MPRIP: variants seen among roughly 807,000 people sequenced by gnomAD.
MPRIP encodes myosin phosphatase Rho interacting protein.
A neutral mutation model predicts 234.9 loss-of-function variants in MPRIP; 59 were observed. That is an observed-to-expected ratio of 0.25 (90% confidence interval 0.20 to 0.31). The LOEUF is 0.31. Ranked by LOEUF, MPRIP falls within the 10% of genes least tolerant of loss-of-function variation. The pLI is 1.00. For synonymous variants in MPRIP, 1,144 were observed against 1,263.9 expected, an observed-to-expected ratio of 0.91 and a Z score of 2.01; for missense variants, 2,436 against 3,071.0, an observed-to-expected ratio of 0.79 and a Z score of 4.89.
At chr17:17,105,481 C>A (rs912874172) in intron 3 of MPRIP, among the ~76,000 whole-genome samples, 5 of 152,158 alleles carry the variant, frequency 3.3e-5, no homozygotes, top group Admixed American at 3.3e-4. Context: ...CTGTTCTCGC[C>A]CCCTAAGAAG....
chr17:17,114,841 G>A (rs1023478249), intron 3 of MPRIP, among the ~76,000 whole-genome samples: 9 of 152,088 alleles, frequency 5.9e-5, no homozygotes, highest in African/African-American at 9.7e-5. Flanking sequence ...GGCAGCGGCC[G>A]AAGCCAGCAG....
chr17:17,102,625 C>G (rs989693092), intron 3 of MPRIP, among the ~76,000 whole-genome samples: 7 of 152,172 alleles, frequency 4.6e-5, no homozygotes, highest in Non-Finnish European at 5.9e-5. Context: ...ATGGCCATGT[C>G]TCATGTCCCA....
At chr17:17,096,967 A>G (rs530911612) in intron 3 of MPRIP, 1 of 360,550 alleles carries the variant, frequency 2.8e-6, no homozygotes, top group Admixed American at 3.5e-5. Context: ...ATAAGCACTG[A>G]GACAGGCACA....
chr17:17,184,772 AG>A, intron 23 of MPRIP, 50 bp from the exon 24 acceptor site: 1 of 1,433,682 alleles, frequency 7.0e-7, no homozygotes, highest in Non-Finnish European at 9.8e-7. Flanking sequence ...GGTCCAGTGC[AG>A]GGGGTCTAAC....
At chr17:17,180,170 C>A in intron 23 of MPRIP, 82 bp downstream of exon 23, 1 of 1,143,566 alleles carries the variant, frequency 8.7e-7, no homozygotes, top group Non-Finnish European at 1.2e-6. Flanking sequence ...ATGAGTGCTC[C>A]CATGGGCCAC....
rs745383311 is a variant in MPRIP at position 17,169,075 on chromosome 17, C to G, written c.6324+1160C>G. 12 of 442,588 alleles carry G rather than the reference C, an allele frequency of 2.7e-5. 1 individual carries two copies. The highest frequency in any genetic ancestry group is 1.7e-4 in the South Asian group (11 of 62,894). 27.4% of individuals were successfully genotyped at this position (442,588 alleles called of 1,614,324 possible). A position where few individuals can be genotyped will look rare whatever the true frequency, so the allele number is the denominator to read the frequency against. On this transcript the variant is annotated intron_variant, in intron 16 of 23. Coordinates refer to ENST00000651222, the MANE Select transcript of MPRIP (RefSeq NM_001364716.4). ...AGCACCTCAGGAGAACTGAGAAGCT[C>G]TTTTTCACCATTCTTTCCCCAAATC...
rs771837700 is a variant in MPRIP at position 17,164,321 on chromosome 17, C to G, written c.2730C>G (p.Ala910=). 9.2e-6 allele frequency: 12 copies of G among 1,303,480 alleles called. No homozygotes were observed. In the South Asian group the frequency reaches 1.4e-4, roughly 15 times the overall value. 80.7% of individuals were successfully genotyped at this position (1,303,480 alleles called of 1,614,324 possible). The change falls in exon 16 of 24, where the codon GCC becomes GCG. Residue 910 remains alanine (A), a synonymous_variant. Coordinates refer to ENST00000651222, the MANE Select transcript of MPRIP (RefSeq NM_001364716.4). ...RSLQARLSNA[A]AELAIKEQAL... is the part of the protein sequence containing the mutation. ...TTCAGGCACGGCTCAGCAATGCGGC[C>G]GCTGAGCTAGCCATCAAGGAGCAGG...
At chr17:17,092,608 A>G (rs1168779559) in intron 3 of MPRIP, among the ~76,000 whole-genome samples, 1 of 152,014 alleles carries the variant, frequency 6.6e-6, no homozygotes, top group Non-Finnish European at 1.5e-5. Context: ...CCTGCAGCCC[A>G]TGGGATCAGA....
intron 1 of MPRIP, among the ~76,000 whole-genome samples, chr17:17,066,724 T>C (rs12948649): frequency 6.2e-5 from 1 of 16,206 alleles, no homozygotes; most frequent in Non-Finnish European, 1.0e-4. Context: ...TTTTTTCATC[T>C]TTTTTTTTTT....
Position 17,166,346 on chromosome 17 carries a change from C to T in MPRIP, c.4755C>T (p.Asn1585=). The T allele has an allele frequency of 2.3e-6, 3 of 1,304,616 alleles. No individual in the cohort carries two copies. Among genetic ancestry groups the T allele is most frequent in the Non-Finnish European group, 3.0e-6 (3 of 989,046 alleles). 80.8% of individuals were successfully genotyped at this position (1,304,616 alleles called of 1,614,324 possible). A position where few individuals can be genotyped will look rare whatever the true frequency, so the allele number is the denominator to read the frequency against. The change falls in exon 16 of 24, where the codon AAC becomes AAT. Residue 1585 remains asparagine (N), a synonymous_variant. Coordinates refer to ENST00000651222, the MANE Select transcript of MPRIP (RefSeq NM_001364716.4). The surrounding 1 kb of genome is among the most constrained non-coding windows in gnomAD (Gnocchi z 4.4). ...GCCAGATAGCAGATTCCCTGAAGAA[C>T]ACAACATCAGATGTCTCCCGAATGC... ...LISQIADSLK[N]TTSDVSRMLH...
chr17:17,104,112 C>T (rs996543541), intron 3 of MPRIP, among the ~76,000 whole-genome samples: 2 of 152,098 alleles, frequency 1.3e-5, no homozygotes, highest in Non-Finnish European at 2.9e-5. Flanking sequence ...ACTAAGTGCT[C>T]GTAAACACTC....
intron 1 of MPRIP, among the ~76,000 whole-genome samples, chr17:17,069,793 CAA>C (rs2089150747): frequency 6.6e-6 from 1 of 152,116 alleles, no homozygotes; most frequent in African/African-American, 2.4e-5. Context: ...ACAGAAAACT[CAA>C]GAGAAGGAAA....
At chr17:17,097,074 T>A (rs1038705013) in intron 3 of MPRIP, 1 of 208,964 alleles carries the variant, frequency 4.8e-6, no homozygotes, top group African/African-American at 2.3e-5. Context: ...AGGAAGGGAG[T>A]GTCACATGCA....
At chr17:17,076,486 T>C (rs980884381) in intron 2 of MPRIP, 1 of 152,242 alleles carries the variant, frequency 6.6e-6, no homozygotes, top group African/African-American at 2.4e-5. Context: ...TATTACACTT[T>C]GGAGTAGGGG....
At chr17:17,090,126 G>C (rs575451762) in intron 3 of MPRIP, among the ~76,000 whole-genome samples, 1 of 152,338 alleles carries the variant, frequency 6.6e-6, no homozygotes, top group African/African-American at 2.4e-5. Context: ...GTGAGGTGCA[G>C]ACAGGCATGG....
intron 3 of MPRIP, among the ~76,000 whole-genome samples, chr17:17,109,663 G>A (rs924738652): frequency 2.6e-5 from 4 of 152,146 alleles, no homozygotes; most frequent in Non-Finnish European, 4.4e-5. Context: ...TGAGACCCGC[G>A]AAACAATGAG....
chr17:17,138,205 C>G lies in MPRIP; in HGVS notation c.1026C>G (p.Ala342=). Residue 342 remains alanine, a synonymous_variant, in exon 7 of 24, where the codon GCC becomes GCG. Transcript: ENST00000651222. The surrounding 1 kb of genome is among the most constrained non-coding windows in gnomAD (Gnocchi z 5.8). ...SSLDVASQPP[A]YVDSGSTRGR... ...TGGATGTGGCCAGCCAGCCACCTGCCTACGTGGACTCTGGCAGCACTAGGG... is the reference window on the plus strand; with the variant it reads ...TGGATGTGGCCAGCCAGCCACCTGCGTACGTGGACTCTGGCAGCACTAGGG... 1.2e-6 allele frequency: 1 copy of G among 806,942 alleles called. No individual in the cohort carries two copies. Among genetic ancestry groups the G allele is most frequent in the Non-Finnish European group, 1.9e-6 (1 of 528,080 alleles). The allele number at this position is 806,942 out of a possible 1,614,324, so 50.0% of individuals were successfully genotyped here.
At chr17:17,057,886 CA>C in intron 1 of MPRIP, 2 of 579,226 alleles carry the variant, frequency 3.5e-6, no homozygotes, top group Non-Finnish European at 6.1e-6. Flanking sequence ...TGGATGTACA[CA>C]AAAGGATACA....
chr17:17,047,806 G>T (rs2088401933), intron 1 of MPRIP, among the ~76,000 whole-genome samples: 1 of 152,160 alleles, frequency 6.6e-6, no homozygotes, highest in Non-Finnish European at 1.5e-5. Flanking sequence ...AGGGAGGCTG[G>T]GTTGGAATTC....
Sources: allele counts gnomAD v4.1 joint callset (sites outside exome capture counted in the v4.1 genomes callset), GRCh38; gene constraint gnomAD v4.1.1; non-coding constraint Gnocchi (gnomAD v3.1); transcripts MANE v1.5; gene names NCBI Gene and HGNC (gene_info 2026-07-23, HGNC 2026-07-21).